ULBP2: variants seen among roughly 807,000 people sequenced by gnomAD.
The protein encoded by ULBP2 is UL16-binding protein 2.
Under a neutral mutation model 23.6 loss-of-function variants are expected in ULBP2, and 21 were observed. The ratio of observed to expected loss-of-function variants is 0.89; its 90% confidence interval spans 0.63 to 1.28. The LOEUF is 1.28. Ranked by LOEUF, ULBP2 falls within the 50% of genes most tolerant of loss-of-function variation. The pLI is 0.00. For synonymous variants in ULBP2, 82 were observed against 112.8 expected, an observed-to-expected ratio of 0.73 and a Z score of 1.73; for missense variants, 251 against 306.0, an observed-to-expected ratio of 0.82 and a Z score of 1.34.
At chr6:149,945,981 G>C (rs1778933422) in intron 2 of ULBP2, among the ~76,000 whole-genome samples, 2 of 144,154 alleles carry the variant, frequency 1.4e-5, no homozygotes, top group Admixed American at 7.1e-5. Flanking sequence ...AGTGGCTCAA[G>C]CCTGTAATCC....
chr6:149,943,224 C>A (rs530871578), intron 1 of ULBP2, among the ~76,000 whole-genome samples: 1 of 152,152 alleles, frequency 6.6e-6, no homozygotes, highest in East Asian at 1.9e-4. Flanking sequence ...CAGGGGATTA[C>A]AATGTCCCAG....
chr6:149,946,284 G>A (rs1289142667), intron 2 of ULBP2, 88 bp from the exon 3 acceptor site: 1 of 1,483,132 alleles, frequency 6.7e-7, no homozygotes, highest in Non-Finnish European at 9.2e-7. Context: ...ATGTAGCAGA[G>A]AGAGTAAGGC....
Position 149,945,566 on chromosome 6 carries a change from C to A in ULBP2, c.343C>A (p.Pro115Thr), listed in dbSNP as rs781449500. 1.2e-6 allele frequency: 2 copies of A among 1,614,012 alleles called. No homozygotes were observed. Among genetic ancestry groups the A allele is most frequent in the Admixed American group, 1.7e-5 (1 of 60,022 alleles). Residue 115 changes from proline to threonine, a missense_variant, in exon 2 of 5, where the codon CCC becomes ACC. Physicochemically the swap from Pro to Thr is conservative, Grantham distance 38. This residue lies in a region of ULBP2 where 248 missense variants were observed against 258.9 expected (regional missense o/e 0.96). Coordinates refer to ENST00000367351, the MANE Select transcript of ULBP2 (RefSeq NM_025217.4). ...TGACATTCAGCTGGAGAATTACACACCCAAGGGTAAGTTTCAGATGGCCCA... is the reference window on the plus strand; with the variant it reads ...TGACATTCAGCTGGAGAATTACACAACCAAGGGTAAGTTTCAGATGGCCCA... ...LRDIQLENYTPKEPLTLQARM... is the reference protein window; with the variant it reads ...LRDIQLENYTTKEPLTLQARM...
chr6:149,946,105 G>C (rs1278725107), intron 2 of ULBP2, among the ~76,000 whole-genome samples: 3 of 152,056 alleles, frequency 2.0e-5, no homozygotes, highest in East Asian at 1.9e-4. Context: ...AGCCGGGTAT[G>C]GTGGCGGGCG....
intron 1 of ULBP2, among the ~76,000 whole-genome samples, chr6:149,944,006 C>A (rs1562486641): frequency 6.6e-6 from 1 of 151,918 alleles, no homozygotes; most frequent in Non-Finnish European, 1.5e-5. Flanking sequence ...CCCTGCACAC[C>A]TTTACATGTT....
At position 149,942,056 on chromosome 6, in the gene ULBP2, A is replaced by T; in HGVS notation, c.-17A>T. The T allele has an allele frequency of 6.2e-7, 1 of 1,611,570 alleles. No individual in the cohort carries two copies. Among genetic ancestry groups the T allele is most frequent in the South Asian group, 1.1e-5 (1 of 90,726 alleles). On this transcript the variant is annotated 5_prime_UTR_variant, in exon 1 of 5. Coordinates refer to ENST00000367351, the MANE Select transcript of ULBP2 (RefSeq NM_025217.4). Reference sequence around the variant, plus strand: ...TCCTTCCATCAAGTCTCTCATCCCTAGCGCTCTGGGTCCTTAATGGCAGCA... The same window carrying T: ...TCCTTCCATCAAGTCTCTCATCCCTTGCGCTCTGGGTCCTTAATGGCAGCA...
Position 149,942,093 on chromosome 6 carries a change from C to G in ULBP2, c.21C>G (p.Thr7=), listed in dbSNP as rs779700177. The G allele has an allele frequency of 2.5e-6, 4 of 1,613,514 alleles. No individual in the cohort carries two copies. In the South Asian group the frequency reaches 3.3e-5, roughly 13 times the overall value. MAAAAA[T]KILLCLPLLL... is the part of the protein sequence containing the mutation. ...CCTTAATGGCAGCAGCCGCCGCTAC[C>G]AAGATCCTTCTGTGCCTCCCGCTTC... Residue 7 remains threonine (T), a synonymous_variant, in exon 1 of 5, where the codon ACC becomes ACG. Transcript: ENST00000367351.
rs1488086687 is a variant in ULBP2 at position 149,948,756 on chromosome 6, C to G, written c.*56C>G. On this transcript the variant is annotated 3_prime_UTR_variant, in exon 5 of 5. Transcript: ENST00000367351. ...TGATACCAAAAGGCTCCTGTGAGCA[C>G]GGTCTTGATCAAACTCGCCCTTCTG... 1 of 456,616 alleles carries G rather than the reference C, an allele frequency of 2.2e-6. No homozygotes were observed. 28.3% of individuals were successfully genotyped at this position (456,616 alleles called of 1,614,324 possible).
rs1778981973 is a variant in ULBP2 at position 149,948,844 on chromosome 6, T to C, written c.*144T>C. 6.7e-6 allele frequency: 3 copies of C among 449,634 alleles called. No individual in the cohort carries two copies. The highest frequency in any genetic ancestry group is 4.7e-5 in the South Asian group (3 of 63,596). The allele number at this position is 449,634 out of a possible 1,614,324, so 27.9% of individuals were successfully genotyped here. ...TGGCCTCCAGCAGATCATGATGACA[T>C]CATGGACCCAATAGCTCATTCACTG... On this transcript the variant is annotated 3_prime_UTR_variant, in exon 5 of 5. Transcript: ENST00000367351.
At chr6:149,946,750 C>T in intron 3 of ULBP2, 97 bp downstream of exon 3, 1 of 1,562,616 alleles carries the variant, frequency 6.4e-7, no homozygotes, top group Non-Finnish European at 8.7e-7. Flanking sequence ...TCCCAGTATA[C>T]ACATTCACGT....
chr6:149,945,753 C>T (rs1483152642), intron 2 of ULBP2, among the ~76,000 whole-genome samples, 181 bp downstream of exon 2: 1 of 151,954 alleles, frequency 6.6e-6, no homozygotes, highest in Non-Finnish European at 1.5e-5. Flanking sequence ...CCAGCCTGAC[C>T]AACATGGTGA....
At chr6:149,948,217 A>G (rs1345843076) in intron 4 of ULBP2, among the ~76,000 whole-genome samples, 1 of 152,118 alleles carries the variant, frequency 6.6e-6, no homozygotes, top group Non-Finnish European at 1.5e-5. Flanking sequence ...GGGGTTCCAC[A>G]GGCACCACTG....
rs755018486 is a variant in ULBP2, at chr6:149,945,432, C to G, written c.209C>G (p.Thr70Arg). ...TFLHYDCGNK[T>R]VTPVSPLGKK... ...CTTCACTATGACTGTGGCAACAAGACAGTCACACCTGTCAGTCCCCTGGGG... is the reference window on the plus strand; with the variant it reads ...CTTCACTATGACTGTGGCAACAAGAGAGTCACACCTGTCAGTCCCCTGGGG... The change falls in exon 2 of 5, where the codon ACA becomes AGA. Residue 70 changes from threonine (T) to arginine (R), a missense_variant. Coordinates refer to ENST00000367351, the MANE Select transcript of ULBP2 (RefSeq NM_025217.4). The G allele has an allele frequency of 3.7e-6, 6 of 1,613,960 alleles. No homozygotes were observed. The highest frequency in any genetic ancestry group is 3.3e-5 in the Admixed American group (2 of 60,020).
chr6:149,945,709 G>A (rs1296552856), intron 2 of ULBP2, 137 bp downstream of exon 2: 21 of 1,520,320 alleles, frequency 1.4e-5, no homozygotes, highest in East Asian at 2.3e-5. Context: ...TTGTGAGGTA[G>A]AGGTGGGCCG....
Position 149,942,091 on chromosome 6 carries a change from ACC to A in ULBP2, c.20_21del (p.Thr7LysfsTer29), listed in dbSNP as rs773147450. On this transcript the variant is annotated frameshift_variant, in exon 1 of 5. Coordinates refer to ENST00000367351, the MANE Select transcript of ULBP2 (RefSeq NM_025217.4). LOFTEE classifies it high-confidence loss of function. MAAAAA[T>X]KILLCLPLLL... ...GTCCTTAATGGCAGCAGCCGCCGCT[ACC>A]AAGATCCTTCTGTGCCTCCCGCTTC... 41 of 1,613,494 alleles carry A rather than the reference ACC, an allele frequency of 2.5e-5. No individual in the cohort carries two copies. In the African/African-American group the frequency reaches 2.8e-4, roughly 11 times the overall value.
intron 4 of ULBP2, among the ~76,000 whole-genome samples, chr6:149,948,229 GCT>G (rs2114689223): frequency 6.6e-6 from 1 of 152,254 alleles, no homozygotes; most frequent in East Asian, 1.9e-4. Flanking sequence ...GCACCACTGG[GCT>G]GGACAAGGAA....
chr6:149,948,984 A>C lies in ULBP2; in HGVS notation c.*284A>C, dbSNP rs764081760. The C allele has an allele frequency of 4.1e-6, 1 of 244,196 alleles. No individual in the cohort carries two copies. The highest frequency in any genetic ancestry group is 8.2e-6 in the Non-Finnish European group (1 of 121,646). The allele number at this position is 244,196 out of a possible 1,614,324, so 15.1% of individuals were successfully genotyped here. ...ACTTAAAGTTCTGGCTGACTAAACA[A>C]GATATATCATTTTCTTTCTTCTCTT... On this transcript the variant is annotated 3_prime_UTR_variant, in exon 5 of 5. Coordinates refer to ENST00000367351, the MANE Select transcript of ULBP2 (RefSeq NM_025217.4).
Position 149,942,120 on chromosome 6 carries a change from G to T in ULBP2, c.48G>T (p.Leu16=). The T allele has an allele frequency of 6.2e-7, 1 of 1,613,190 alleles. No homozygotes were observed. The highest frequency in any genetic ancestry group is 8.5e-7 in the Non-Finnish European group (1 of 1,179,816). ...AGATCCTTCTGTGCCTCCCGCTTCT[G>T]CTCCTGCTGTCCGGCTGGTCCCGGG... ...ATKILLCLPL[L]LLLSGWSRAG... The change falls in exon 1 of 5, where the codon CTG becomes CTT. Residue 16 remains leucine, a synonymous_variant. Coordinates refer to ENST00000367351, the MANE Select transcript of ULBP2 (RefSeq NM_025217.4).
chr6:149,945,615 G>T (rs1214761128), intron 2 of ULBP2, 43 bp downstream of exon 2: 2 of 1,613,776 alleles, frequency 1.2e-6, no homozygotes, highest in Admixed American at 3.3e-5. Context: ...CAGATACAGT[G>T]GTAGGTTAGA....
Sources: allele counts gnomAD v4.1 joint callset (sites outside exome capture counted in the v4.1 genomes callset), GRCh38; gene constraint gnomAD v4.1.1; regional missense constraint gnomAD v4.1.1; transcripts MANE v1.5; gene names NCBI Gene and HGNC (gene_info 2026-07-23, HGNC 2026-07-21).